Variants in NCOR2 observed in about 807,000 individuals in gnomAD.
NCOR2 encodes the protein nuclear receptor corepressor 2, also known as CTG repeat protein 26.
In NCOR2, 81 loss-of-function variants were observed where a neutral mutation model predicts 262.9. The ratio of observed to expected loss-of-function variants is 0.31; its 90% confidence interval spans 0.26 to 0.37. The LOEUF (loss-of-function observed/expected upper bound fraction) is 0.37. NCOR2 is among the 10% of genes least tolerant of loss of function. The pLI is 1.00. For synonymous variants in NCOR2, 1,659 were observed against 1,559.3 expected (o/e 1.06, Z -1.51); for missense variants, 3,385 against 3,621.4 (o/e 0.93, Z 1.68).
intron 1 of NCOR2, among the ~76,000 whole-genome samples, chr12:124,520,500 C>T (rs183346919): frequency 6.6e-6 from 1 of 152,296 alleles, no homozygotes; most frequent in East Asian, 1.9e-4. Flanking sequence ...TAACTCCTCC[C>T]ACCCCCTCAG....
intron 22 of NCOR2, among the ~76,000 whole-genome samples, chr12:124,358,752 C>T (rs1244072): frequency 0.92 from 139,878 of 152,238 alleles, 65,304 homozygotes; most frequent in East Asian, 1. Context: ...TCAGGCAGGG[C>T]TACTTACCAG....
chr12:124,369,519 C>T (rs2039316860), intron 20 of NCOR2, among the ~76,000 whole-genome samples: 1 of 151,922 alleles, frequency 6.6e-6, no homozygotes, highest in Admixed American at 6.5e-5. Flanking sequence ...GCTGCCAGGG[C>T]CTACTCTGAC....
In NCOR2 at chr12:124,368,164, G is replaced by A. The variant is rs180686533; in HGVS notation, c.2807+3858C>T. Reference sequence around the variant, plus strand: ...GAGAGTGGAGACGAAAGCTTCAAGGGCTGTCCGTGGGTGGGCGTGGGGATG... The same window carrying A: ...GAGAGTGGAGACGAAAGCTTCAAGGACTGTCCGTGGGTGGGCGTGGGGATG... On this transcript the variant is annotated intron_variant, in intron 20 of 46. Coordinates refer to ENST00000405201, the Ensembl canonical transcript of NCOR2. Among the ~76,000 whole-genome samples, 315 of 152,368 alleles carry A rather than the reference G, an allele frequency of 2.1e-3. 1 individual carries two copies. The highest frequency in any genetic ancestry group is 7.2e-3 in the African/African-American group (300 of 41,592).
At chr12:124,393,453 C>A (rs1173995991) in intron 16 of NCOR2, among the ~76,000 whole-genome samples, 2 of 152,224 alleles carry the variant, frequency 1.3e-5, no homozygotes, top group Non-Finnish European at 2.9e-5. Flanking sequence ...CAGTGGCCTC[C>A]CACGCTCTAG....
At chr12:124,565,060 A>C (rs1020988116) in intron 1 of NCOR2, among the ~76,000 whole-genome samples, 4 of 152,106 alleles carry the variant, frequency 2.6e-5, no homozygotes, top group Non-Finnish European at 4.4e-5. Context: ...ATGCCAAATA[A>C]ATCCTTCCCA....
intron 9 of NCOR2, among the ~76,000 whole-genome samples, chr12:124,430,262 G>A (rs1388143972): frequency 1.3e-5 from 2 of 152,172 alleles, no homozygotes; most frequent in East Asian, 3.9e-4. Context: ...GCCACTGGGG[G>A]AGGCTGACAG....
At chr12:124,408,530 T>C (rs2136230573) in intron 13 of NCOR2, among the ~76,000 whole-genome samples, 1 of 152,128 alleles carries the variant, frequency 6.6e-6, no homozygotes, top group African/African-American at 2.4e-5. Context: ...GAGGATTGTC[T>C]AGGGCTCGGA....
At chr12:124,354,487 C>T (rs201788687) in exon 26 of NCOR2, 138 of 1,560,882 alleles carry the variant, frequency 8.8e-5, no homozygotes, top group Middle Eastern at 8.6e-4. Flanking sequence ...CCTCTCAGCA[C>T]GGACGCCTCC....
At chr12:124,492,811 C>T (rs964617089) in intron 1 of NCOR2, among the ~76,000 whole-genome samples, 1 of 152,220 alleles carries the variant, frequency 6.6e-6, no homozygotes, top group African/African-American at 2.4e-5. Context: ...AGCGGCTCCA[C>T]CCTGCAATAT....
intron 17 of NCOR2, chr12:124,383,488 C>G: frequency 1.1e-6 from 1 of 930,210 alleles, no homozygotes; most frequent in Non-Finnish European, 1.4e-6. Context: ...TGGCCCAGTG[C>G]TCATACCTCC....
At chr12:124,445,022 G>T (rs144199361) in intron 7 of NCOR2, among the ~76,000 whole-genome samples, 2 of 152,080 alleles carry the variant, frequency 1.3e-5, no homozygotes, top group African/African-American at 4.8e-5. Flanking sequence ...GCACAGCCCC[G>T]GGTCTGACAG....
At chr12:124,383,999 C>T (rs1373289640) in intron 17 of NCOR2, among the ~76,000 whole-genome samples, 1 of 146,124 alleles carries the variant, frequency 6.8e-6, no homozygotes, top group Non-Finnish European at 1.5e-5. Context: ...CGTCCATGGT[C>T]GTGGGGTGAG....
Position 124,378,395 on chromosome 12 carries a change from G to T in NCOR2, c.2020-11C>A. 6.2e-7 allele frequency: 1 copy of T among 1,607,784 alleles called. No individual in the cohort carries two copies. ...GTTCCTCTCCTTCTCCTGGGGCACA[G>T]GGAAGCAGCAGATCAGGACTGGGGC... On this transcript the variant is annotated splice_polypyrimidine_tract_variant and intron_variant, in intron 17 of 46. Transcript: ENST00000405201. This position sits in a 1 kb window ranked among gnomAD's most constrained non-coding sequence, Gnocchi z 4.2.
intron 44 of NCOR2, chr12:124,329,016 T>A (rs575193506): frequency 9.4e-5 from 41 of 437,516 alleles, no homozygotes; most frequent in African/African-American, 5.9e-4. Context: ...GCAGCGCGAC[T>A]GGGCCTTCTA....
intron 20 of NCOR2, 26 bp from the exon 23 acceptor site, chr12:124,363,825 TGGGGGCCCACAGCC>T (rs1203094377): frequency 7.6e-7 from 1 of 1,317,598 alleles, no homozygotes; most frequent in Non-Finnish European, 9.7e-7. Context: ...CACCATCAGC[TGGGGGCCCACAGCC>T]GGACTCTCCC....
Position 124,503,581 on chromosome 12 carries a change from CGGATGGACGGATGGAT to C in NCOR2, c.-117-8229_-117-8214del, listed in dbSNP as rs1012991572. On this transcript the variant is annotated intron_variant, in intron 1 of 46. Transcript: ENST00000404621. The surrounding 1 kb of genome is among the most constrained non-coding windows in gnomAD (Gnocchi z 4.3). ...GATGGATGGATAGATGGAAGACGGA[CGGATGGACGGATGGAT>C]GGATGGACGGACGGACGGATGGATG... is the stretch of plus-strand genomic sequence containing the variant. Among the ~76,000 whole-genome samples, 1 of 137,446 alleles carries C rather than the reference CGGATGGACGGATGGAT, an allele frequency of 7.3e-6. No individual in the cohort carries two copies. The highest frequency in any genetic ancestry group is 2.9e-5 in the African/African-American group (1 of 34,658). 90.2% of individuals were successfully genotyped at this position (137,446 alleles called of 152,430 possible).
At chr12:124,495,436 C>T, upstream of NCOR2, 1 of 1,241,146 alleles carries the variant, frequency 8.1e-7, no homozygotes, top group Non-Finnish European at 1.1e-6. The surrounding 1 kb of genome is among the most constrained non-coding windows in gnomAD (Gnocchi z 4.4). Context: ...TGCACAGGTC[C>T]CCGAGTCGTT....
chr12:124,347,588 T>C, intron 30 of NCOR2: 1 of 532,176 alleles, frequency 1.9e-6, no homozygotes, highest in Non-Finnish European at 3.4e-6. Flanking sequence ...AGTTGCTATG[T>C]GACACCTAAA....
chr12:124,343,330 T>A, intron 32 of NCOR2, 104 bp from the exon 35 acceptor site: 1 of 837,676 alleles, frequency 1.2e-6, no homozygotes, highest in Non-Finnish European at 1.8e-6. Flanking sequence ...GTCTCTTCAT[T>A]CACTCCTTCA....
Sources: gnomAD v4.1 joint callset for allele counts (sites outside exome capture counted in the v4.1 genomes callset) on GRCh38, gnomAD v4.1.1 for gene constraint, Gnocchi (gnomAD v3.1) non-coding constraint, MANE v1.5 for transcripts, NCBI Gene and HGNC (gene_info 2026-07-23, HGNC 2026-07-21) for gene names.